The following EVL variants were observed in gnomAD, a reference collection of about 807,000 sequenced individuals.
EVL encodes Enah/Vasp-like, also known as ena/VASP-like protein.
In EVL, 21 loss-of-function variants were observed where a neutral mutation model predicts 59.6. The ratio of observed to expected loss-of-function variants is 0.35; its 90% CI spans 0.25 to 0.51. The LOEUF is 0.51. Among genes scored for constraint, EVL ranks in the 20% least tolerant of loss-of-function variants. EVL has a pLI of 0.97. For synonymous variants in EVL, 198 were observed against 203.5 expected, an observed-to-expected ratio of 0.97 and a Z score of 0.23; for missense variants, 462 against 546.6, an observed-to-expected ratio of 0.85 and a Z score of 1.54.
At chr14:100,097,406 T>G (rs1278318453) in intron 2 of EVL, 75 bp from the exon 3 acceptor site, 5 of 1,332,856 alleles carry the variant, frequency 3.8e-6, no homozygotes, top group Admixed American at 2.2e-5. Context: ...ACAGTATACT[T>G]GCTCCATCGC....
At position 100,086,821 on chromosome 14, in the gene EVL, G is replaced by A. The variant is rs369509059; in HGVS notation, c.180+1966G>A. Among the ~76,000 whole-genome samples the A allele has an allele frequency of 2.6e-5, 4 of 152,372 alleles. No homozygotes were observed. The East Asian group carries it at 7.7e-4, about 29-fold the overall frequency. On this transcript the variant is annotated intron_variant, in intron 2 of 13. Transcript: ENST00000392920. Reference sequence around the variant, plus strand: ...CTTGGAATCACATGTTCAGGAGACAGGCTATCAGACAGGATTGAGGATATC... The same window carrying A: ...CTTGGAATCACATGTTCAGGAGACAAGCTATCAGACAGGATTGAGGATATC...
Position 100,143,778 on chromosome 14 carries a change from G to A in EVL, c.*40G>A. 3 of 1,603,844 alleles carry A rather than the reference G, an allele frequency of 1.9e-6. No individual in the cohort carries two copies. Among genetic ancestry groups the A allele is most frequent in the African/African-American group, 2.7e-5 (2 of 74,854 alleles). On this transcript the variant is annotated 3_prime_UTR_variant, in exon 14 of 14. Transcript: ENST00000392920. Reference sequence around the variant, plus strand: ...TGCGCTGATTCGTCGAGCCCATCCGGCGACAGAGGACAGCCAGAAGCCCAG... The same window carrying A: ...TGCGCTGATTCGTCGAGCCCATCCGACGACAGAGGACAGCCAGAAGCCCAG...
chr14:100,092,165 C>T (rs1449473856), intron 2 of EVL, among the ~76,000 whole-genome samples: 1 of 152,020 alleles, frequency 6.6e-6, no homozygotes, highest in African/African-American at 2.4e-5. Context: ...TCCCTTGCGC[C>T]CAGGAGTTTG....
At chr14:100,089,764 A>G (rs1266889168) in intron 2 of EVL, among the ~76,000 whole-genome samples, 3 of 152,140 alleles carry the variant, frequency 2.0e-5, no homozygotes, top group Non-Finnish European at 4.4e-5. Context: ...ATCCACCTCT[A>G]CCAACAAAAA....
Position 100,141,260 on chromosome 14 carries a change from G to A in EVL, c.1161+14G>A. The A allele has an allele frequency of 6.2e-7, 1 of 1,613,332 alleles. No homozygotes were observed. The highest frequency in any genetic ancestry group is 1.3e-5 in the African/African-American group (1 of 75,028). On this transcript the variant is annotated intron_variant, in intron 12 of 13. Coordinates refer to ENST00000392920, the MANE Select transcript of EVL (RefSeq NM_016337.3). ...CGGATGAAGCAGGTGAGCATGCCCT[G>A]TGCCCTTCCCTCAAGAGGCTGAGGG...
intron 1 of EVL, among the ~76,000 whole-genome samples, chr14:99,981,448 A>G (rs899720295): frequency 2.0e-5 from 3 of 152,214 alleles, no homozygotes; most frequent in Non-Finnish European, 2.9e-5. Flanking sequence ...ATTAAAAAAA[A>G]GAAAAGTAAC....
At position 100,084,806 on chromosome 14, in the gene EVL, C is replaced by T; in HGVS notation, c.131C>T (p.Thr44Ile). 1 of 1,614,210 alleles carries T rather than the reference C, an allele frequency of 6.2e-7. No homozygotes were observed. Among genetic ancestry groups the T allele is most frequent in the Non-Finnish European group, 8.5e-7 (1 of 1,180,044 alleles). Residue 44 changes from threonine (T) to isoleucine (I), a missense_variant, in exon 2 of 14, where the codon ACT becomes ATT. Transcript: ENST00000392920. ...GFSRINIYHN[T>I]ASNTFRVVGV... ...AGCCGGATCAACATCTACCACAACACTGCCAGCAACACCTTCAGAGTCGTT... is the reference window on the plus strand; with the variant it reads ...AGCCGGATCAACATCTACCACAACATTGCCAGCAACACCTTCAGAGTCGTT...
chr14:99,994,661 A>G (rs1193307440), intron 1 of EVL, among the ~76,000 whole-genome samples: 2 of 152,134 alleles, frequency 1.3e-5, no homozygotes, highest in East Asian at 1.9e-4. Context: ...TTAAAATTCT[A>G]TACTGTTTAA....
chr14:100,074,614 T>C (rs1308319176), intron 1 of EVL: 1 of 152,842 alleles, frequency 6.5e-6, no homozygotes, highest in African/African-American at 2.4e-5. Flanking sequence ...GCTGACTCCA[T>C]GGTGAGGGCT....
chr14:100,078,458 C>T lies in EVL; in HGVS notation c.12-6229C>T, dbSNP rs180745883. Among the ~76,000 whole-genome samples, 119 of 151,612 alleles carry T rather than the reference C, an allele frequency of 7.8e-4. 3 individuals carry two copies. Among genetic ancestry groups the T allele is most frequent in the Admixed American group, 7.5e-3 (113 of 15,156 alleles). ...CTAATGGGCCCAGTGACTCGAGAGC[C>T]GGAAAGCACACATTGGAGCTGGAAG... On this transcript the variant is annotated intron_variant, in intron 1 of 13. Transcript: ENST00000392920.
upstream of EVL, among the ~76,000 whole-genome samples, chr14:100,060,423 T>A (rs1247570120): frequency 1.6e-5 from 2 of 127,858 alleles, no homozygotes; most frequent in African/African-American, 6.1e-5. Flanking sequence ...AGAGCGAGAC[T>A]CCGTCTCAAA....
rs35006525 is a variant in EVL at position 100,097,531 on chromosome 14, G to A, written c.231G>A (p.Thr77=). Residue 77 remains threonine (T), a synonymous_variant, in exon 3 of 14, where the codon ACG becomes ACA. Coordinates refer to ENST00000392920, the MANE Select transcript of EVL (RefSeq NM_016337.3). The part of the protein sequence containing the change: ...IVKGLKYNQA[T]PTFHQWRDAR... ...AAGGGCTGAAGTACAATCAGGCCAC[G>A]CCAACCTTCCACCAGTGGCGAGATG... is the stretch of plus-strand genomic sequence containing the variant. 3,741 of 1,613,916 alleles carry A rather than the reference G, an allele frequency of 2.3e-3. 74 individuals carry two copies. In the African/African-American group the frequency reaches 0.044, roughly 19 times the overall value.
At chr14:100,123,410 A>G in intron 3 of EVL, 129 bp from the exon 4 acceptor site, 1 of 858,062 alleles carries the variant, frequency 1.2e-6, no homozygotes. Flanking sequence ...TGAGGCCAAC[A>G]TTTAAAAAGA....
intron 3 of EVL, among the ~76,000 whole-genome samples, chr14:100,115,528 C>G (rs1051129174): frequency 6.6e-6 from 1 of 152,244 alleles, no homozygotes; most frequent in Non-Finnish European, 1.5e-5. Flanking sequence ...GAAGTGCCAT[C>G]CCCACATCTG....
At chr14:100,038,774 GT>G (rs2061425620) in intron 1 of EVL, among the ~76,000 whole-genome samples, 4 of 149,480 alleles carry the variant, frequency 2.7e-5, no homozygotes, top group Non-Finnish European at 4.5e-5. Context: ...GCCCTGGGGT[GT>G]GTGTGTGTGT....
At position 100,128,641 on chromosome 14, in the gene EVL, C is replaced by G. The variant is rs1317459459; in HGVS notation, c.610C>G (p.Pro204Ala). The change falls in exon 6 of 14, where the codon CCA (proline) becomes GCA (alanine). Residue 204 changes from proline to alanine, a missense_variant. Physicochemically the swap from Pro to Ala is conservative, Grantham distance 27. Transcript: ENST00000392920. ...ACCCACTGGGGCTACCCCACCTCCC[C>G]CACCCCCACTGCCAGCCGGAGGAGC... ...PPPTGATPPP[P>A]PPLPAGGAQG... 1.9e-6 allele frequency: 3 copies of G among 1,570,138 alleles called. No homozygotes were observed. Among genetic ancestry groups the G allele is most frequent in the East Asian group, 2.3e-5 (1 of 43,024 alleles).
At chr14:100,069,301 G>T (rs1407252983) in intron 1 of EVL, among the ~76,000 whole-genome samples, 1 of 152,226 alleles carries the variant, frequency 6.6e-6, no homozygotes, top group Non-Finnish European at 1.5e-5. Context: ...TAGTGAAGGA[G>T]CTGTGGCTGC....
Position 100,006,015 on chromosome 14 carries a change from C to G in EVL, c.5+33958C>G, listed in dbSNP as rs1045127988. Among the ~76,000 whole-genome samples the G allele has an allele frequency of 1.2e-4, 18 of 150,588 alleles. No homozygotes were observed. In the East Asian group the frequency reaches 2.4e-3, roughly 20 times the overall value. ...TCCCCTTTTGCTGGCCATTTCCCCC[C>G]CCCCCCCCACACCGACAACACTTTT... is the stretch of plus-strand genomic sequence containing the variant. On this transcript the variant is annotated intron_variant, in intron 1 of 13. Transcript: ENST00000402714.
At chr14:99,981,035 G>A (rs1398150656) in intron 1 of EVL, among the ~76,000 whole-genome samples, 1 of 151,214 alleles carries the variant, frequency 6.6e-6, no homozygotes, top group Non-Finnish European at 1.5e-5. Flanking sequence ...AAAAGTTTGA[G>A]ACCGGCGGCG....
Sources: allele counts gnomAD v4.1 joint callset (sites outside exome capture counted in the v4.1 genomes callset), GRCh38; gene constraint gnomAD v4.1.1; transcripts MANE v1.5; gene names NCBI Gene and HGNC (gene_info 2026-07-23, HGNC 2026-07-21).